The following GANC variants were observed in gnomAD, a reference collection of about 807,000 sequenced individuals.
GANC encodes glucosidase alpha, neutral C.
GANC carries 117 observed loss-of-function variants against 124.2 expected under a neutral mutation model. That is an observed-to-expected ratio of 0.94 (90% CI 0.81 to 1.10). The LOEUF (loss-of-function observed/expected upper bound fraction) is 1.10, where lower values mean the gene tolerates loss of function less well. Ranked by LOEUF, GANC falls within the 50% of genes least tolerant of loss-of-function variation. The probability of loss-of-function intolerance (pLI) is 0.00; values close to 1 mark genes in which losing one functional copy is unlikely to be tolerated. For synonymous variants in GANC, 377 were observed against 376.8 expected (o/e 1.00, Z -0.01); for missense variants, 1,140 against 1,095.0 (o/e 1.04, Z -0.58).
chr15:42,340,601 TAAAAA>T (rs369001717), intron 17 of GANC, 84 bp from the exon 18 acceptor site: 400 of 795,440 alleles, frequency 5.0e-4, no homozygotes, highest in African/African-American at 1.3e-3. Flanking sequence ...GAGATCCATC[TAAAAA>T]AAAAAAAAAA....
At chr15:42,337,241 C>G (rs796654274) in intron 15 of GANC, among the ~76,000 whole-genome samples, 3 of 152,266 alleles carry the variant, frequency 2.0e-5, no homozygotes, top group African/African-American at 7.2e-5. Context: ...ACTTAAATGC[C>G]TATCAGTGGT....
intron 6 of GANC, among the ~76,000 whole-genome samples, chr15:42,301,817 G>A (rs560483198): frequency 6.6e-6 from 1 of 152,308 alleles, no homozygotes; most frequent in East Asian, 1.9e-4. Context: ...CCTCCTCCCT[G>A]GGCAGGGCAT....
chr15:42,287,255 T>A (rs891117401), intron 3 of GANC, among the ~76,000 whole-genome samples: 2 of 152,232 alleles, frequency 1.3e-5, no homozygotes, highest in Non-Finnish European at 2.9e-5. Context: ...TTCTGTAGCC[T>A]GCCACCCTTC....
At position 42,345,788 on chromosome 15, in the gene GANC, T is replaced by C. The variant is rs1406654178; in HGVS notation, c.2260T>C (p.Trp754Arg). ...GTATGACTATAAGACATTTGCTCAT[T>C]GGGAAGGAGGGTGTACTGTAAAGAT... Reference protein sequence around the residue: ...VWYDYKTFAHWEGGCTVKIPV... With the variant: ...VWYDYKTFAHREGGCTVKIPV... Residue 754 changes from tryptophan (W) to arginine (R), a missense_variant, in exon 20 of 24, where the codon TGG (tryptophan) becomes CGG (arginine). By Grantham distance (101) the Trp-to-Arg change is moderately radical. Coordinates refer to ENST00000318010, the MANE Select transcript of GANC (RefSeq NM_198141.3). The C allele has an allele frequency of 6.2e-7, 1 of 1,612,722 alleles. No homozygotes were observed. The highest frequency in any genetic ancestry group is 8.5e-7 in the Non-Finnish European group (1 of 1,178,792).
At chr15:42,288,522 A>G (rs577982752) in intron 4 of GANC, among the ~76,000 whole-genome samples, 1 of 152,314 alleles carries the variant, frequency 6.6e-6, no homozygotes, top group African/African-American at 2.4e-5. Flanking sequence ...CTATATCATT[A>G]CTGTAGTTTT....
chr15:42,309,743 G>A (rs2052033147), intron 8 of GANC, among the ~76,000 whole-genome samples: 1 of 151,764 alleles, frequency 6.6e-6, no homozygotes, highest in African/African-American at 2.4e-5. Context: ...TTTAGGCTGG[G>A]CACAGTGGCT....
rs529664862 is a variant in GANC, at chr15:42,297,597, T to G, written c.513-14T>G. 6 of 1,608,092 alleles carry G rather than the reference T, an allele frequency of 3.7e-6. No individual in the cohort carries two copies. Among genetic ancestry groups the G allele is most frequent in the Non-Finnish European group, 5.1e-6 (6 of 1,176,280 alleles). On this transcript the variant is annotated splice_polypyrimidine_tract_variant and intron_variant, in intron 5 of 23. Transcript: ENST00000318010. ...TTGCCATTGAGTGAAACAACTTTATTTACGTTAAAACAGAGCTGCTAAAGA... is the reference window on the plus strand; with the variant it reads ...TTGCCATTGAGTGAAACAACTTTATGTACGTTAAAACAGAGCTGCTAAAGA...
At chr15:42,276,158 G>T (rs562175150) in intron 1 of GANC, 190 bp from the exon 2 acceptor site, 16 of 441,022 alleles carry the variant, frequency 3.6e-5, no homozygotes, top group Middle Eastern at 5.8e-4. Flanking sequence ...ACCTCAGAGG[G>T]TTTACAAAAG....
chr15:42,300,604 AC>A (rs1566952814), intron 6 of GANC, among the ~76,000 whole-genome samples: 1 of 152,254 alleles, frequency 6.6e-6, no homozygotes, highest in Non-Finnish European at 1.5e-5. Flanking sequence ...CTTGGTATAT[AC>A]CCAAAGGAAT....
At chr15:42,285,910 GT>G (rs1166283299) in intron 3 of GANC, among the ~76,000 whole-genome samples, 2 of 152,072 alleles carry the variant, frequency 1.3e-5, no homozygotes, top group Non-Finnish European at 2.9e-5. Context: ...TATACATGAA[GT>G]CATTATAGTG....
chr15:42,308,988 C>T (rs2052024917), intron 8 of GANC, among the ~76,000 whole-genome samples: 1 of 151,982 alleles, frequency 6.6e-6, no homozygotes, highest in South Asian at 2.1e-4. Flanking sequence ...AAATCACTGA[C>T]CCAGAAAAAG....
chr15:42,327,317 G>A (rs775087022), intron 12 of GANC, 46 bp from the exon 13 acceptor site: 1 of 1,413,396 alleles, frequency 7.1e-7, no homozygotes, highest in Admixed American at 1.8e-5. Flanking sequence ...ATCCTACTGT[G>A]AGGACCACTG....
Position 42,273,751 on chromosome 15 carries a change from C to T in GANC, c.-731C>T. 4.0e-6 allele frequency: 1 copy of T among 252,788 alleles called. No individual in the cohort carries two copies. The highest frequency in any genetic ancestry group is 7.9e-6 in the Non-Finnish European group (1 of 126,846). The allele number at this position is 252,788 out of a possible 1,614,324, so 15.7% of individuals were successfully genotyped here. On this transcript the variant is annotated 5_prime_UTR_variant, in exon 1 of 24. Transcript: ENST00000318010. ...CTTCCGCTCGCCCCAGCCCTTCATC[C>T]CTTCTAAGTCAATGTCAGACTTTGG...
In GANC at chr15:42,274,444, CCTG is replaced by C. The variant is rs765313210; in HGVS notation, c.-37_-35del. On this transcript the variant is annotated 5_prime_UTR_variant, in exon 1 of 24. Coordinates refer to ENST00000318010, the MANE Select transcript of GANC (RefSeq NM_198141.3). Reference sequence around the variant, plus strand: ...TTAAAAGATCGCCCAGGGCCCTTGTCCTGAGAGCTGGGAGCTGGTCGGAGTGAC... The same window carrying C: ...TTAAAAGATCGCCCAGGGCCCTTGTCAGAGCTGGGAGCTGGTCGGAGTGAC... 3 of 1,605,526 alleles carry C rather than the reference CCTG, an allele frequency of 1.9e-6. No homozygotes were observed. The highest frequency in any genetic ancestry group is 2.6e-6 in the Non-Finnish European group (3 of 1,176,196).
In GANC at chr15:42,349,485, C is replaced by T; in HGVS notation, c.2521C>T (p.Leu841=). ...HRKFSFCSSV[L]INSFADQRGH... is the part of the protein sequence containing the mutation. ...GAAGTTTTCATTCTGTTCCAGTGTTCTGATCAATAGGTAATGGCAGCTAAA... is the reference window on the plus strand; with the variant it reads ...GAAGTTTTCATTCTGTTCCAGTGTTTTGATCAATAGGTAATGGCAGCTAAA... Residue 841 remains leucine, a synonymous_variant, in exon 22 of 24, where the codon CTG becomes TTG. Transcript: ENST00000318010. 6.3e-7 allele frequency: 1 copy of T among 1,597,008 alleles called. No individual in the cohort carries two copies. The highest frequency in any genetic ancestry group is 8.6e-7 in the Non-Finnish European group (1 of 1,164,504).
In GANC at chr15:42,314,245, C is replaced by G. The variant is rs556503231; in HGVS notation, c.1057+3399C>G. On this transcript the variant is annotated intron_variant, in intron 10 of 23. Coordinates refer to ENST00000318010, the MANE Select transcript of GANC (RefSeq NM_198141.3). ...TAAAGCACCTGAAGCACGTAGCTACCCAGCATGGAATTTAAAGCCTGATGA... is the reference window on the plus strand; with the variant it reads ...TAAAGCACCTGAAGCACGTAGCTACGCAGCATGGAATTTAAAGCCTGATGA... 64 of 700,886 alleles carry G rather than the reference C, an allele frequency of 9.1e-5. No individual in the cohort carries two copies. The South Asian group carries it at 9.6e-4, about 10-fold the overall frequency. The allele number at this position is 700,886 out of a possible 1,614,324, so 43.4% of individuals were successfully genotyped here.
Position 42,278,181 on chromosome 15 carries a change from T to C in GANC, c.93-301T>C, listed in dbSNP as rs142308545. 5.5e-4 allele frequency: 117 copies of C among 212,604 alleles called. 1 individual carries two copies. The East Asian group carries it at 0.012, about 22-fold the overall frequency. The allele number at this position is 212,604 out of a possible 1,614,324, so 13.2% of individuals were successfully genotyped here. On this transcript the variant is annotated intron_variant, in intron 2 of 23. Coordinates refer to ENST00000318010, the MANE Select transcript of GANC (RefSeq NM_198141.3). ...CATTTTATGGAAAGAGGGAGGGAAA[T>C]TAACAAGTTCACAAATGTCATCTAT...
intron 10 of GANC, among the ~76,000 whole-genome samples, chr15:42,318,247 C>A (rs1392847809): frequency 4.6e-5 from 7 of 152,010 alleles, no homozygotes; most frequent in African/African-American, 1.7e-4. Flanking sequence ...TGGTTTATTC[C>A]CTTGCTGTGT....
chr15:42,302,324 T>C (rs1193769250), intron 6 of GANC, among the ~76,000 whole-genome samples: 1 of 151,994 alleles, frequency 6.6e-6, no homozygotes, highest in Non-Finnish European at 1.5e-5. Context: ...AAAAAGGACG[T>C]CCACACAAAA....
Sources: gnomAD v4.1 joint callset for allele counts (sites outside exome capture counted in the v4.1 genomes callset) on GRCh38, gnomAD v4.1.1 for gene constraint, MANE v1.5 for transcripts, NCBI Gene and HGNC (gene_info 2026-07-23, HGNC 2026-07-21) for gene names.